DAB1: variants seen among roughly 807,000 people sequenced by gnomAD.
DAB1 encodes disabled homolog 1.
Under a neutral mutation model 64.6 loss-of-function variants are expected in DAB1, and 15 were observed. The ratio of observed to expected loss-of-function variants is 0.23; its 90% CI spans 0.16 to 0.36. DAB1 has a LOEUF of 0.36. Ranked by LOEUF, DAB1 falls within the 10% of genes least tolerant of loss-of-function variation. The pLI is 1.00. For missense variants in DAB1, 596 were observed against 706.7 expected (o/e 0.84, Z 1.78); for synonymous variants, 235 against 251.9 (o/e 0.93, Z 0.64).
chr1:58,319,216 C>G (rs1662627701), intron 4 of DAB1, among the ~76,000 whole-genome samples: 1 of 152,040 alleles, frequency 6.6e-6, no homozygotes, highest in Non-Finnish European at 1.5e-5. Context: ...TCTGAATTCC[C>G]CCCTCAAAAA....
At chr1:58,370,737 G>T (rs4912336) in intron 3 of DAB1, among the ~76,000 whole-genome samples, 112,742 of 151,962 alleles carry the variant, frequency 0.74, 42,786 homozygotes, top group Middle Eastern at 0.84. Flanking sequence ...CCCATGCTGT[G>T]CTTGTGATAG....
intron 4 of DAB1, among the ~76,000 whole-genome samples, chr1:58,152,882 G>T (rs1325729580): frequency 6.6e-6 from 1 of 152,154 alleles, no homozygotes; most frequent in Admixed American, 6.5e-5. Context: ...TACAGGTGAC[G>T]AAACAAGTGG....
chr1:57,991,845 CAAAAAAAAAAA>C (rs56324635), intron 5 of DAB1, among the ~76,000 whole-genome samples: 2 of 60,144 alleles, frequency 3.3e-5, no homozygotes, highest in African/African-American at 7.0e-5. Flanking sequence ...GGCTCTGTCT[CAAAAAAAAAAA>C]AAAAAAAAAA....
chr1:57,421,098 A>T (rs1387107167), intron 1 of DAB1, among the ~76,000 whole-genome samples: 1 of 152,236 alleles, frequency 6.6e-6, no homozygotes, highest in Non-Finnish European at 1.5e-5. Context: ...AATTTTTTAG[A>T]TGGGTACTAT....
At chr1:58,124,184 T>A (rs1203140196) in intron 5 of DAB1, among the ~76,000 whole-genome samples, 1 of 151,364 alleles carries the variant, frequency 6.6e-6, no homozygotes, top group African/African-American at 2.4e-5. Flanking sequence ...TATATATATA[T>A]TCTTAGATTA....
rs116538630 is a variant in DAB1, at chr1:58,045,561, C to T, written n.387+104950G>A. On this transcript the variant is annotated intron_variant and non_coding_transcript_variant, in intron 5 of 20. Coordinates refer to the DAB1 transcript ENST00000485760. ...GGGGAACTTCTGAGAGCCAAGCCTT[C>T]GACAGTAGATGAATTCCTAACCTGC... Among the ~76,000 whole-genome samples the T allele has an allele frequency of 3.9e-5, 6 of 152,182 alleles. No homozygotes were observed. The South Asian group carries it at 1.2e-3, about 32-fold the overall frequency.
At chr1:57,121,343 G>C (rs993000853) in intron 4 of DAB1, among the ~76,000 whole-genome samples, 1 of 151,866 alleles carries the variant, frequency 6.6e-6, no homozygotes, top group Non-Finnish European at 1.5e-5. Context: ...CTCTATCAGG[G>C]AGAGAGTTGG....
intron 1 of DAB1, among the ~76,000 whole-genome samples, chr1:57,343,105 G>A (rs1224770686): frequency 6.6e-6 from 1 of 152,008 alleles, no homozygotes; most frequent in Non-Finnish European, 1.5e-5. Flanking sequence ...GCTGATTGGT[G>A]CATTTACAAT....
intron 2 of DAB1, among the ~76,000 whole-genome samples, chr1:58,507,715 G>A (rs1190826341): frequency 6.6e-6 from 1 of 152,026 alleles, no homozygotes; most frequent in African/African-American, 2.4e-5. Flanking sequence ...AAATATGTAT[G>A]TAACATATGT....
chr1:57,008,389 G>A (rs182483907), intron 14 of DAB1, among the ~76,000 whole-genome samples: 3 of 152,174 alleles, frequency 2.0e-5, no homozygotes, highest in Non-Finnish European at 2.9e-5. Context: ...AGAGTGGGGA[G>A]CGTGCATTAA....
At chr1:57,666,117 G>C (rs960582872) in intron 6 of DAB1, among the ~76,000 whole-genome samples, 1 of 152,104 alleles carries the variant, frequency 6.6e-6, no homozygotes, top group Non-Finnish European at 1.5e-5. Context: ...ATAGAAGTTA[G>C]AGGAAGTTTC....
intron 2 of DAB1, among the ~76,000 whole-genome samples, chr1:57,215,221 T>C (rs899668642): frequency 1.3e-5 from 2 of 152,122 alleles, no homozygotes; most frequent in African/African-American, 4.8e-5. Context: ...TAATATTAGT[T>C]TGATGTGAAA....
intron 7 of DAB1, among the ~76,000 whole-genome samples, chr1:57,540,532 T>C (rs1216939131): frequency 3.3e-5 from 5 of 152,202 alleles, no homozygotes; most frequent in Non-Finnish European, 5.9e-5. Flanking sequence ...ATAGCAAATA[T>C]GTGAAATCAA....
intron 6 of DAB1, among the ~76,000 whole-genome samples, chr1:57,807,041 G>A (rs766323045): frequency 2.6e-5 from 4 of 152,076 alleles, no homozygotes; most frequent in Non-Finnish European, 4.4e-5. Flanking sequence ...TGCTCTCCCC[G>A]ACTGGCATGA....
At chr1:58,132,934 A>G (rs1653721694) in intron 5 of DAB1, among the ~76,000 whole-genome samples, 1 of 152,158 alleles carries the variant, frequency 6.6e-6, no homozygotes, top group East Asian at 1.9e-4. Flanking sequence ...TGTTAACTCA[A>G]TTGTGTGACC....
intron 9 of DAB1, among the ~76,000 whole-genome samples, chr1:57,027,048 T>G (rs1012219448): frequency 1.3e-5 from 2 of 152,164 alleles, no homozygotes; most frequent in African/African-American, 4.8e-5. Context: ...GTAGAAGGGA[T>G]GTGAAGAGTC....
chr1:57,454,885 A>C lies in DAB1; in HGVS notation n.626-163719T>G, dbSNP rs1322520432. On this transcript the variant is annotated intron_variant and non_coding_transcript_variant, in intron 7 of 20. Coordinates refer to the DAB1 transcript ENST00000485760. ...ACAAAAAGAAATCTCTATCTTCAAA[A>C]AAATATCAGTCTGGTAGAGAAGGGA... is the stretch of plus-strand genomic sequence containing the variant. Among the ~76,000 whole-genome samples, 9 of 152,330 alleles carry C rather than the reference A, an allele frequency of 5.9e-5. No homozygotes were observed. In the South Asian group the frequency reaches 8.3e-4, roughly 14 times the overall value.
intron 7 of DAB1, among the ~76,000 whole-genome samples, chr1:57,482,766 C>T (rs768864511): frequency 6.6e-6 from 1 of 152,186 alleles, no homozygotes; most frequent in Non-Finnish European, 1.5e-5. Flanking sequence ...TCACTGGATT[C>T]TTGCACAAGC....
chr1:57,430,377 A>ATTTTT (rs10659663), intron 7 of DAB1, among the ~76,000 whole-genome samples: 2 of 141,878 alleles, frequency 1.4e-5, no homozygotes, highest in Non-Finnish European at 1.5e-5. Flanking sequence ...AGTTAATACA[A>ATTTTT]TTTTTTTTTT....
Sources: gnomAD v4.1 joint callset for allele counts (sites outside exome capture counted in the v4.1 genomes callset) on GRCh38, gnomAD v4.1.1 for gene constraint, MANE v1.5 for transcripts, NCBI Gene and HGNC (gene_info 2026-07-23, HGNC 2026-07-21) for gene names.